The following KCNB2 variants were observed in gnomAD, a reference collection of about 807,000 sequenced individuals.
KCNB2 encodes the protein potassium voltage-gated channel subfamily B member 2.
Under a neutral mutation model 61.5 loss-of-function variants are expected in KCNB2, and 15 were observed. The ratio of observed to expected loss-of-function variants is 0.24; its 90% CI spans 0.16 to 0.38. The LOEUF (loss-of-function observed/expected upper bound fraction) is 0.38, where lower values mean the gene tolerates loss of function less well. Ranked by LOEUF, KCNB2 falls within the 10% of genes least tolerant of loss-of-function variation. KCNB2 has a pLI of 1.00. For synonymous variants in KCNB2, 457 were observed against 446.0 expected, an observed-to-expected ratio of 1.02 and a Z score of -0.31; for missense variants, 828 against 1,125.2, an observed-to-expected ratio of 0.74 and a Z score of 3.78.
At chr8:72,872,001 T>G (rs906877053) in intron 2 of KCNB2, among the ~76,000 whole-genome samples, 17 of 151,832 alleles carry the variant, frequency 1.1e-4, no homozygotes, top group African/African-American at 4.1e-4. Context: ...AATCTAGGAG[T>G]TTCTCACTGA....
At chr8:72,919,668 G>A (rs1806469494) in intron 2 of KCNB2, among the ~76,000 whole-genome samples, 1 of 152,194 alleles carries the variant, frequency 6.6e-6, no homozygotes, top group Non-Finnish European at 1.5e-5. Flanking sequence ...ATTCGACCAA[G>A]TGAGGATCCC....
chr8:72,571,061 G>T (rs1195410165), intron 2 of KCNB2, among the ~76,000 whole-genome samples: 1 of 152,074 alleles, frequency 6.6e-6, no homozygotes, highest in Non-Finnish European at 1.5e-5. Context: ...CTGTAATGAA[G>T]AAAGTATAAA....
At chr8:72,823,861 G>A (rs527964491) in intron 2 of KCNB2, among the ~76,000 whole-genome samples, 3 of 152,190 alleles carry the variant, frequency 2.0e-5, no homozygotes, top group South Asian at 2.1e-4. Context: ...CTGTCACCCC[G>A]AGGGCCACAG....
At chr8:72,851,822 G>T (rs1333075843) in intron 2 of KCNB2, among the ~76,000 whole-genome samples, 5 of 18,224 alleles carry the variant, frequency 2.7e-4, no homozygotes, top group East Asian at 6.9e-4. Context: ...TGTAGAAGCT[G>T]TAGGAAAAAA....
intron 2 of KCNB2, among the ~76,000 whole-genome samples, chr8:72,607,515 T>A (rs1805470138): frequency 6.6e-6 from 1 of 152,216 alleles, no homozygotes; most frequent in Non-Finnish European, 1.5e-5. Flanking sequence ...GGCTGGCATG[T>A]CCTGGCAAAT....
At chr8:72,791,904 A>G (rs1808950025) in intron 2 of KCNB2, among the ~76,000 whole-genome samples, 1 of 152,242 alleles carries the variant, frequency 6.6e-6, no homozygotes, top group African/African-American at 2.4e-5. Context: ...TTAAAAATCT[A>G]TTAGTAACAA....
intron 2 of KCNB2, among the ~76,000 whole-genome samples, chr8:72,794,667 A>G (rs1240130626): frequency 2.0e-5 from 3 of 152,062 alleles, no homozygotes; most frequent in Admixed American, 6.6e-5. Flanking sequence ...TAAAATATAC[A>G]TATGTAGAAT....
rs1365837278 is a variant in KCNB2 at position 72,853,497 on chromosome 8, A to G, written c.580-82438A>G. On this transcript the variant is annotated intron_variant, in intron 2 of 2. Coordinates refer to ENST00000523207, the MANE Select transcript of KCNB2 (RefSeq NM_004770.3). ...CACTCATCCAATATATCATTGAACA[A>G]GAATCCCTGTCTCAGGCTCTGGCTC... Among the ~76,000 whole-genome samples, 5 of 152,354 alleles carry G rather than the reference A, an allele frequency of 3.3e-5. No homozygotes were observed. In the East Asian group the frequency reaches 9.6e-4, roughly 29 times the overall value.
chr8:72,538,739 G>C (rs1326435603), intron 1 of KCNB2, among the ~76,000 whole-genome samples: 1 of 151,990 alleles, frequency 6.6e-6, no homozygotes, highest in Non-Finnish European at 1.5e-5. Context: ...TTTAAGTATC[G>C]TATCACATTT....
intron 2 of KCNB2, among the ~76,000 whole-genome samples, chr8:72,916,576 G>C (rs1415825206): frequency 6.6e-6 from 1 of 152,322 alleles, no homozygotes; most frequent in Non-Finnish European, 1.5e-5. Flanking sequence ...CAGCTTAAGT[G>C]TTAATAGCTC....
At chr8:72,859,965 C>A (rs1008269436) in intron 2 of KCNB2, among the ~76,000 whole-genome samples, 1 of 151,926 alleles carries the variant, frequency 6.6e-6, no homozygotes. Flanking sequence ...GTGATCCACC[C>A]GCCTTGGCCT....
chr8:72,632,842 T>C (rs1283029001), intron 2 of KCNB2, among the ~76,000 whole-genome samples: 1 of 152,220 alleles, frequency 6.6e-6, no homozygotes, highest in African/African-American at 2.4e-5. Context: ...TTTATGTCTA[T>C]TTGTTAAACA....
At chr8:72,589,261 C>T (rs968614728) in intron 2 of KCNB2, among the ~76,000 whole-genome samples, 1 of 151,820 alleles carries the variant, frequency 6.6e-6, no homozygotes, top group Non-Finnish European at 1.5e-5. Flanking sequence ...TAATTTAATT[C>T]ACTTAGAAGA....
chr8:72,795,963 A>G (rs1163798110), intron 2 of KCNB2, among the ~76,000 whole-genome samples: 1 of 152,210 alleles, frequency 6.6e-6, no homozygotes, highest in Admixed American at 6.5e-5. Flanking sequence ...TGACTGATAC[A>G]TGAATATGTG....
intron 2 of KCNB2, among the ~76,000 whole-genome samples, chr8:72,711,436 A>T (rs943580512): frequency 2.6e-5 from 4 of 152,202 alleles, no homozygotes; most frequent in Non-Finnish European, 5.9e-5. Flanking sequence ...CACACTGAAG[A>T]GTCTATCTAT....
At position 72,731,343 on chromosome 8, in the gene KCNB2, G is replaced by A. The variant is rs1324171546; in HGVS notation, c.579+163030G>A. On this transcript the variant is annotated intron_variant, in intron 2 of 2. Transcript: ENST00000523207. ...AATACACTGAAGACAAAACCATATT[G>A]GACATAATTAATTTCTTTTAATGAT... Among the ~76,000 whole-genome samples, 4 of 152,124 alleles carry A rather than the reference G, an allele frequency of 2.6e-5. No individual in the cohort carries two copies. The East Asian group carries it at 7.7e-4, about 29-fold the overall frequency.
At chr8:72,644,921 G>A (rs2128985963) in intron 2 of KCNB2, among the ~76,000 whole-genome samples, 1 of 152,288 alleles carries the variant, frequency 6.6e-6, no homozygotes, top group South Asian at 2.1e-4. Flanking sequence ...CTGGTGATAG[G>A]CATGTTGGCT....
At chr8:72,619,545 T>TTTA (rs377103619) in intron 2 of KCNB2, among the ~76,000 whole-genome samples, 2 of 151,192 alleles carry the variant, frequency 1.3e-5, no homozygotes, top group African/African-American at 4.9e-5. Flanking sequence ...TTTTTTTTTT[T>TTTA]AATCACACAG....
chr8:72,686,536 C>G (rs1806856529), intron 2 of KCNB2, among the ~76,000 whole-genome samples: 1 of 151,936 alleles, frequency 6.6e-6, no homozygotes, highest in Admixed American at 6.6e-5. Flanking sequence ...ATCTAAGAAA[C>G]ATGAAAGGGA....
Sources: gnomAD v4.1 joint callset for allele counts (sites outside exome capture counted in the v4.1 genomes callset) on GRCh38, gnomAD v4.1.1 for gene constraint, MANE v1.5 for transcripts, NCBI Gene and HGNC (gene_info 2026-07-23, HGNC 2026-07-21) for gene names.